The following HAPLN2 variants were observed in gnomAD, a reference collection of about 807,000 sequenced individuals.
HAPLN2 encodes the protein hyaluronan and proteoglycan link protein 2.
HAPLN2 carries 27 observed loss-of-function variants against 29.3 expected under a neutral mutation model. The observed-to-expected ratio is 0.92, with a 90% CI of 0.68 to 1.27. The LOEUF (loss-of-function observed/expected upper bound fraction) is 1.27. Ranked by LOEUF, HAPLN2 falls within the 50% of genes most tolerant of loss-of-function variation. The pLI is 0.00. For synonymous variants in HAPLN2, 208 were observed against 211.7 expected (o/e 0.98, Z 0.15); for missense variants, 454 against 484.3 (o/e 0.94, Z 0.59).
chr1:156,622,494 T>C (rs1557975471), intron 2 of HAPLN2, among the ~76,000 whole-genome samples: 1 of 150,928 alleles, frequency 6.6e-6, no homozygotes, highest in Non-Finnish European at 1.5e-5. Flanking sequence ...CACAGTGCAC[T>C]ACAGTGTGGC....
At chr1:156,616,392 T>C (rs1367460228), upstream of HAPLN2, among the ~76,000 whole-genome samples, 1 of 152,202 alleles carries the variant, frequency 6.6e-6, no homozygotes, top group African/African-American at 2.4e-5. Context: ...TGTTCCTTTC[T>C]CATTCTGTCC....
rs1353767258 is a variant in HAPLN2 at position 156,624,059 on chromosome 1, T to A, written c.338T>A (p.Leu113Gln). The change falls in exon 4 of 7, where the codon CTG (leucine) becomes CAG (glutamine). Residue 113 changes from leucine to glutamine, a missense_variant. Transcript: ENST00000255039. ...AGGGGGCATCGACTAGACGCCTCCC[T>A]GGTCATCGCGGGCGTGCGCCTGGAG... ...MRRGHRLDASLVIAGVRLEDE... is the reference protein window; with the variant it reads ...MRRGHRLDASQVIAGVRLEDE... 1 of 1,613,456 alleles carries A rather than the reference T, an allele frequency of 6.2e-7. No individual in the cohort carries two copies. The highest frequency in any genetic ancestry group is 1.7e-5 in the Admixed American group (1 of 59,986).
Position 156,623,537 on chromosome 1 carries a change from G to A in HAPLN2, c.47G>A (p.Trp16Ter). 1 of 1,614,040 alleles carries A rather than the reference G, an allele frequency of 6.2e-7. No homozygotes were observed. Among genetic ancestry groups the A allele is most frequent in the Non-Finnish European group, 8.5e-7 (1 of 1,180,000 alleles). ...CCCACACTCTGCCGCTTCCTTCTTT[G>A]GGCCTTCACCATCTTCCACAAAGCC... Reference protein sequence around the residue: ...TLPTLCRFLLWAFTIFHKAQG... With the variant: ...TLPTLCRFLL Residue 16 changes from tryptophan (W) to a stop codon, truncating the protein, a stop_gained, in exon 3 of 7, where the codon TGG (tryptophan) becomes TAG (stop). Coordinates refer to ENST00000255039, the MANE Select transcript of HAPLN2 (RefSeq NM_021817.3). LOFTEE classifies it high-confidence loss of function.
chr1:156,625,431 G>T lies in HAPLN2; in HGVS notation c.*47G>T, dbSNP rs770341295. On this transcript the variant is annotated 3_prime_UTR_variant, in exon 7 of 7. Coordinates refer to ENST00000255039, the MANE Select transcript of HAPLN2 (RefSeq NM_021817.3). The surrounding 1 kb of genome is among the most constrained non-coding windows in gnomAD (Gnocchi z 5.7). ...GCGCGCGCGAAGAAGCTTGGGAGTC[G>T]TGGCGGGGGTCTCTCGCCACCCCTT... The T allele has an allele frequency of 6.6e-7, 1 of 1,508,596 alleles. No homozygotes were observed. The highest frequency in any genetic ancestry group is 1.3e-5 in the South Asian group (1 of 79,660). 93.5% of individuals were successfully genotyped at this position (1,508,596 alleles called of 1,614,324 possible). A position where few individuals can be genotyped will look rare whatever the true frequency, so the allele number is the denominator to read the frequency against.
upstream of HAPLN2, among the ~76,000 whole-genome samples, chr1:156,616,980 C>T (rs1196255322): frequency 1.3e-5 from 2 of 151,836 alleles, no homozygotes; most frequent in African/African-American, 4.8e-5. Context: ...ACCAAGCTAC[C>T]TGAGAGGCTG....
chr1:156,614,027 C>G, the HAPLN2 span, among the ~76,000 whole-genome samples: 1 of 151,868 alleles, frequency 6.6e-6, no homozygotes, highest in South Asian at 2.1e-4. Context: ...AGAAATTATT[C>G]TTTCACAGCA....
upstream of HAPLN2, among the ~76,000 whole-genome samples, chr1:156,615,607 A>G (rs1678038101): frequency 7.1e-6 from 1 of 141,324 alleles, no homozygotes; most frequent in African/African-American, 2.7e-5. Flanking sequence ...ATCTTGGTCT[A>G]TCGCCCAGGC....
chr1:156,604,963 C>T, the HAPLN2 span, among the ~76,000 whole-genome samples: 4 of 149,288 alleles, frequency 2.7e-5, no homozygotes, highest in South Asian at 8.6e-4. Context: ...TCCTAGAAGT[C>T]ATATAGAAAT....
At chr1:156,605,871 C>T in the HAPLN2 span, among the ~76,000 whole-genome samples, 24 of 152,040 alleles carry the variant, frequency 1.6e-4, 1 homozygote, top group South Asian at 3.8e-3. Flanking sequence ...TGGTGTTGGC[C>T]GGGCATGGTG....
At chr1:156,612,643 G>A in the HAPLN2 span, among the ~76,000 whole-genome samples, 6 of 152,218 alleles carry the variant, frequency 3.9e-5, no homozygotes, top group African/African-American at 1.4e-4. Flanking sequence ...GTGGGACTGA[G>A]GAGCAGGAAA....
chr1:156,605,788 C>T, the HAPLN2 span, among the ~76,000 whole-genome samples: 4 of 152,070 alleles, frequency 2.6e-5, no homozygotes, highest in Non-Finnish European at 4.4e-5. Context: ...TAAACCCATA[C>T]GCTTATGGGC....
upstream of HAPLN2, among the ~76,000 whole-genome samples, chr1:156,617,926 A>T (rs974533215): frequency 2.0e-5 from 3 of 152,094 alleles, no homozygotes; most frequent in African/African-American, 7.2e-5. Context: ...TACACACGTA[A>T]AAATTCATTT....
upstream of HAPLN2, chr1:156,615,011 C>T (rs1678025321): frequency 6.6e-6 from 1 of 152,188 alleles, no homozygotes; most frequent in East Asian, 1.9e-4. Context: ...TTTTGTTTGA[C>T]TGAGAACTTC....
upstream of HAPLN2, among the ~76,000 whole-genome samples, chr1:156,618,443 C>T (rs1678115853): frequency 6.6e-6 from 1 of 151,502 alleles, no homozygotes; most frequent in Non-Finnish European, 1.5e-5. Flanking sequence ...TGGGCCACTG[C>T]ACTCCTACTT....
In HAPLN2 at chr1:156,625,004, C is replaced by A; in HGVS notation, c.740-97C>A. ...CTCCTCTTACCCAAGCTCGATCCAGCACCTCTGCGGTCCCGCACCCCAACT... is the reference window on the plus strand; with the variant it reads ...CTCCTCTTACCCAAGCTCGATCCAGAACCTCTGCGGTCCCGCACCCCAACT... On this transcript the variant is annotated intron_variant, in intron 6 of 6. Transcript: ENST00000255039. This position sits in a 1 kb window ranked among gnomAD's most constrained non-coding sequence, Gnocchi z 5.7. The A allele has an allele frequency of 7.1e-7, 1 of 1,416,134 alleles. No homozygotes were observed. The allele number at this position is 1,416,134 out of a possible 1,614,324, so 87.7% of individuals were successfully genotyped here.
the HAPLN2 span, among the ~76,000 whole-genome samples, chr1:156,609,218 G>A: frequency 6.6e-6 from 1 of 152,154 alleles, no homozygotes; most frequent in East Asian, 1.9e-4. Context: ...CAGGTGCAGC[G>A]CCCAGAACGC....
At chr1:156,605,425 C>T in the HAPLN2 span, among the ~76,000 whole-genome samples, 1 of 149,546 alleles carries the variant, frequency 6.7e-6, no homozygotes, top group Non-Finnish European at 1.5e-5. Flanking sequence ...AACCCTGTCT[C>T]TAATAAAAAA....
chr1:156,604,932 TTG>T, the HAPLN2 span, among the ~76,000 whole-genome samples: 1 of 151,906 alleles, frequency 6.6e-6, no homozygotes, highest in Non-Finnish European at 1.5e-5. Context: ...TTTTTTTTTT[TTG>T]CATAAATCAA....
rs1678412107 is a variant in HAPLN2 at position 156,625,281 on chromosome 1, C to G, written c.920C>G (p.Pro307Arg). 3.2e-6 allele frequency: 5 copies of G among 1,576,492 alleles called. No individual in the cohort carries two copies. The highest frequency in any genetic ancestry group is 1.8e-5 in the Admixed American group (1 of 55,054). The change falls in exon 7 of 7, where the codon CCG becomes CGG. Residue 307 changes from proline (P) to arginine (R), a missense_variant. By Grantham distance (103) the Pro-to-Arg change is moderately radical. Transcript: ENST00000255039. The surrounding 1 kb of genome is among the most constrained non-coding windows in gnomAD (Gnocchi z 5.7). ...AGTGTGCGCTTCCCAATCACCACGCCGAGGCCGCGCTGCGGGGGGCTCCCG... is the reference window on the plus strand; with the variant it reads ...AGTGTGCGCTTCCCAATCACCACGCGGAGGCCGCGCTGCGGGGGGCTCCCG... ...DGSVRFPITTPRPRCGGLPDP... is the reference protein window; with the variant it reads ...DGSVRFPITTRRPRCGGLPDP...
Sources: allele counts gnomAD v4.1 joint callset (sites outside exome capture counted in the v4.1 genomes callset), GRCh38; gene constraint gnomAD v4.1.1; non-coding constraint Gnocchi (gnomAD v3.1); transcripts MANE v1.5; gene names NCBI Gene and HGNC (gene_info 2026-07-23, HGNC 2026-07-21).